The following LRP1B variants were observed in gnomAD, a reference collection of about 807,000 sequenced individuals.
The protein encoded by LRP1B is low-density lipoprotein receptor-related protein 1B.
In LRP1B, 217 loss-of-function variants were observed where a neutral mutation model predicts 556.6. The observed-to-expected ratio is 0.39, with a 90% CI of 0.35 to 0.44. The LOEUF is 0.44. Ranked by LOEUF, LRP1B falls within the 20% of genes least tolerant of loss-of-function variation. LRP1B has a pLI of 1.00. For synonymous variants in LRP1B, 2,047 were observed against 1,865.8 expected, an observed-to-expected ratio of 1.10 and a Z score of -2.50; for missense variants, 5,053 against 5,620.8, an observed-to-expected ratio of 0.90 and a Z score of 3.23.
chr2:141,280,697 A>G (rs1294858871), intron 3 of LRP1B, among the ~76,000 whole-genome samples: 4 of 152,162 alleles, frequency 2.6e-5, no homozygotes, highest in African/African-American at 9.6e-5. Context: ...TTATTTTTGT[A>G]CATTCCTAAA....
Position 141,214,962 on chromosome 2 carries a change from T to A in LRP1B, c.850+14221A>T, listed in dbSNP as rs147494525. Among the ~76,000 whole-genome samples the A allele has an allele frequency of 1.6e-3, 237 of 152,346 alleles. 1 individual carries two copies. Among genetic ancestry groups the A allele is most frequent in the African/African-American group, 5.3e-3 (220 of 41,574 alleles). ...ATGCTAAATTTATTCTAAAAACAGA[T>A]AGGCACTTTGCTAAAATGGGATATA... is the stretch of plus-strand genomic sequence containing the variant. On this transcript the variant is annotated intron_variant, in intron 6 of 90. Coordinates refer to ENST00000389484, the MANE Select transcript of LRP1B (RefSeq NM_018557.3).
chr2:141,970,877 T>G (rs1486744479), intron 1 of LRP1B, among the ~76,000 whole-genome samples: 1 of 151,580 alleles, frequency 6.6e-6, no homozygotes, highest in Non-Finnish European at 1.5e-5. Flanking sequence ...TTCTGTTTAT[T>G]CATGACCACA....
chr2:141,125,394 G>A (rs13013197), intron 7 of LRP1B, among the ~76,000 whole-genome samples: 64,449 of 152,012 alleles, frequency 0.42, 14,102 homozygotes, highest in Non-Finnish European at 0.49. Context: ...GCCCATGCAT[G>A]CACAAGATAT....
At chr2:140,393,835 C>T (rs765148278) in intron 66 of LRP1B, among the ~76,000 whole-genome samples, 1 of 152,144 alleles carries the variant, frequency 6.6e-6, no homozygotes, top group African/African-American at 2.4e-5. Context: ...AAGACCTCAT[C>T]TTCTCTTGGG....
intron 86 of LRP1B, among the ~76,000 whole-genome samples, chr2:140,255,336 T>C (rs1681627089): frequency 6.6e-6 from 1 of 152,176 alleles, no homozygotes; most frequent in South Asian, 2.1e-4. Flanking sequence ...GACAAATGTC[T>C]TCACTAAATC....
chr2:140,526,414 T>C, intron 47 of LRP1B, 64 bp from the exon 48 acceptor site: 1 of 1,022,306 alleles, frequency 9.8e-7, no homozygotes, highest in Non-Finnish European at 1.5e-6. Flanking sequence ...CTTTTACATT[T>C]TGAATATTTC....
At chr2:140,976,837 A>G (rs1464123869) in intron 18 of LRP1B, among the ~76,000 whole-genome samples, 1 of 151,954 alleles carries the variant, frequency 6.6e-6, no homozygotes, top group African/African-American at 2.4e-5. Flanking sequence ...CTGCTAACAA[A>G]CTTTAGGTAA....
rs570135861 is a variant in LRP1B at position 141,527,671 on chromosome 2, A to C, written c.206-47138T>G. ...AATGAATGGTGTGTTTTTACTTATC[A>C]AAGTAAAAAGAATGAAAATATGCTA... is the stretch of plus-strand genomic sequence containing the variant. On this transcript the variant is annotated intron_variant, in intron 2 of 90. Coordinates refer to ENST00000389484, the MANE Select transcript of LRP1B (RefSeq NM_018557.3). Among the ~76,000 whole-genome samples, 22 of 152,258 alleles carry C rather than the reference A, an allele frequency of 1.4e-4. 1 individual carries two copies. In the South Asian group the frequency reaches 3.5e-3, roughly 24 times the overall value.
At chr2:141,824,236 T>C (rs866203842) in intron 1 of LRP1B, among the ~76,000 whole-genome samples, 3 of 152,194 alleles carry the variant, frequency 2.0e-5, no homozygotes, top group Non-Finnish European at 2.9e-5. Flanking sequence ...ATTCAATGCT[T>C]ACAAAAATGT....
intron 5 of LRP1B, among the ~76,000 whole-genome samples, chr2:141,239,645 TAAG>T (rs1473927096): frequency 6.6e-6 from 1 of 152,030 alleles, no homozygotes; most frequent in African/African-American, 2.4e-5. Context: ...CTAATTCAAA[TAAG>T]AGGAAGATGG....
intron 1 of LRP1B, among the ~76,000 whole-genome samples, chr2:142,081,779 A>AT (rs1265604641): frequency 6.6e-6 from 1 of 152,096 alleles, no homozygotes; most frequent in Admixed American, 6.6e-5. Flanking sequence ...ATGCCCAGCT[A>AT]TTTTTATTTG....
intron 2 of LRP1B, among the ~76,000 whole-genome samples, chr2:141,556,791 G>T (rs1024744512): frequency 6.6e-6 from 1 of 151,732 alleles, no homozygotes; most frequent in African/African-American, 2.4e-5. Flanking sequence ...TATTGAACAG[G>T]TGTCAGGAAG....
chr2:141,357,043 AT>A (rs1240272425), intron 3 of LRP1B, among the ~76,000 whole-genome samples: 10 of 150,368 alleles, frequency 6.7e-5, no homozygotes, highest in African/African-American at 2.5e-4. Flanking sequence ...ATTTTATTTT[AT>A]TTTTATTTTA....
intron 1 of LRP1B, among the ~76,000 whole-genome samples, chr2:142,048,135 C>T (rs1704323533): frequency 6.6e-6 from 1 of 152,042 alleles, no homozygotes; most frequent in Non-Finnish European, 1.5e-5. Flanking sequence ...TGCTGAAGCA[C>T]CTCTGCATTC....
chr2:140,952,870 T>C (rs770370483), intron 18 of LRP1B, among the ~76,000 whole-genome samples: 9 of 152,214 alleles, frequency 5.9e-5, no homozygotes, highest in Admixed American at 1.3e-4. Context: ...AATTCATACA[T>C]GGTGAAAGTT....
intron 21 of LRP1B, among the ~76,000 whole-genome samples, chr2:140,909,778 T>C (rs1307196037): frequency 2.0e-5 from 3 of 150,790 alleles, no homozygotes; most frequent in African/African-American, 7.3e-5. Context: ...AAAAAATAGG[T>C]AGCTAGTTTC....
At chr2:140,905,933 G>T (rs1292831451) in intron 22 of LRP1B, among the ~76,000 whole-genome samples, 1 of 151,782 alleles carries the variant, frequency 6.6e-6, no homozygotes, top group East Asian at 1.9e-4. Context: ...CGTTTCTTTT[G>T]AAATTATTTA....
intron 77 of LRP1B, among the ~76,000 whole-genome samples, chr2:140,347,140 C>T (rs1162325137): frequency 6.6e-6 from 1 of 151,746 alleles, no homozygotes; most frequent in Non-Finnish European, 1.5e-5. Flanking sequence ...GCATTTCATA[C>T]TAAAAATGAT....
rs1485115815 is a variant in LRP1B, at chr2:141,483,458, A to G, written c.206-2925T>C. 4.4e-5 allele frequency among the ~76,000 whole-genome samples: 5 copies of G among 113,064 alleles called. No individual in the cohort carries two copies. In the Admixed American group the frequency reaches 4.6e-4, roughly 10 times the overall value. 74.2% of individuals were successfully genotyped at this position (113,064 alleles called of 152,430 possible). A position where few individuals can be genotyped will look rare whatever the true frequency, so the allele number is the denominator to read the frequency against. ...GTGTCTTTGTAGCAGCATGATTTAT[A>G]ATCCTTTGGGTATATAGCCAGTAAT... is the stretch of plus-strand genomic sequence containing the variant. On this transcript the variant is annotated intron_variant, in intron 2 of 90. Coordinates refer to ENST00000389484, the MANE Select transcript of LRP1B (RefSeq NM_018557.3).
Sources: allele counts gnomAD v4.1 joint callset (sites outside exome capture counted in the v4.1 genomes callset), GRCh38; gene constraint gnomAD v4.1.1; transcripts MANE v1.5; gene names NCBI Gene and HGNC (gene_info 2026-07-23, HGNC 2026-07-21).